Variants in SCFD2 observed in about 807,000 individuals in gnomAD.
SCFD2 encodes sec1 family domain-containing protein 2.
In SCFD2, 54 loss-of-function variants were observed where a neutral mutation model predicts 58.9. The observed-to-expected ratio is 0.92, with a 90% CI of 0.74 to 1.15. SCFD2 has a LOEUF of 1.15. Ranked by LOEUF, SCFD2 falls within the 50% of genes most tolerant of loss-of-function variation. SCFD2 has a pLI of 0.00. For missense variants in SCFD2, 805 were observed against 836.6 expected, an observed-to-expected ratio of 0.96 and a Z score of 0.47; for synonymous variants, 321 against 335.9, an observed-to-expected ratio of 0.96 and a Z score of 0.49.
At chr4:52,890,468 A>G (rs1718856028) in intron 7 of SCFD2, among the ~76,000 whole-genome samples, 1 of 152,222 alleles carries the variant, frequency 6.6e-6, no homozygotes, top group Admixed American at 6.5e-5. Context: ...TCAAGTCAAC[A>G]GACTGTTGGG....
At chr4:53,348,023 A>C (rs1194401226) in intron 2 of SCFD2, among the ~76,000 whole-genome samples, 1 of 152,242 alleles carries the variant, frequency 6.6e-6, no homozygotes, top group Admixed American at 6.5e-5. Context: ...CCATTTCAAC[A>C]GGAGGAAAAC....
chr4:53,029,871 T>G (rs187362160), intron 5 of SCFD2, among the ~76,000 whole-genome samples: 43 of 152,306 alleles, frequency 2.8e-4, no homozygotes, highest in Non-Finnish European at 5.3e-4. Flanking sequence ...ATTATAAAAC[T>G]TCTAGAAGAA....
At chr4:53,222,982 T>C (rs137893089) in intron 4 of SCFD2, among the ~76,000 whole-genome samples, 84 of 152,260 alleles carry the variant, frequency 5.5e-4, no homozygotes, top group Admixed American at 1.4e-3. Flanking sequence ...CACGGACTGG[T>C]CACCAGATGT....
At chr4:53,280,023 C>A (rs1731457966) in intron 3 of SCFD2, among the ~76,000 whole-genome samples, 1 of 152,206 alleles carries the variant, frequency 6.6e-6, no homozygotes, top group African/African-American at 2.4e-5. Context: ...ACATCAGAAG[C>A]TATTCTTCCA....
chr4:52,958,781 C>T (rs540621929), intron 5 of SCFD2, among the ~76,000 whole-genome samples: 2 of 152,302 alleles, frequency 1.3e-5, no homozygotes, highest in East Asian at 1.9e-4. Flanking sequence ...GCCATTCCAT[C>T]TCAAATGGCT....
chr4:53,179,429 C>T (rs565029756), intron 4 of SCFD2, among the ~76,000 whole-genome samples: 4 of 152,250 alleles, frequency 2.6e-5, no homozygotes, highest in South Asian at 4.1e-4. Flanking sequence ...AGAAATAAAA[C>T]ACTTTACAGA....
At chr4:53,202,667 G>A (rs992222831) in intron 4 of SCFD2, among the ~76,000 whole-genome samples, 7 of 152,174 alleles carry the variant, frequency 4.6e-5, no homozygotes, top group African/African-American at 1.4e-4. Context: ...AGCATGGAAT[G>A]TACTTCCATT....
intron 5 of SCFD2, among the ~76,000 whole-genome samples, chr4:53,058,899 G>A (rs1354083632): frequency 6.6e-6 from 1 of 152,114 alleles, no homozygotes; most frequent in African/African-American, 2.4e-5. Flanking sequence ...GATAAAACGA[G>A]CCTTTTGGAA....
At chr4:53,135,272 G>GT (rs1725902646) in intron 5 of SCFD2, among the ~76,000 whole-genome samples, 1 of 152,152 alleles carries the variant, frequency 6.6e-6, no homozygotes, top group African/African-American at 2.4e-5. Context: ...ACTGGAAATT[G>GT]TTAAGTCCAC....
intron 4 of SCFD2, among the ~76,000 whole-genome samples, chr4:53,241,219 T>A (rs1183076869): frequency 6.6e-6 from 1 of 152,076 alleles, no homozygotes; most frequent in East Asian, 1.9e-4. Flanking sequence ...CTCAGAAAAG[T>A]ACGAGGGGCA....
intron 5 of SCFD2, among the ~76,000 whole-genome samples, chr4:53,018,975 A>G (rs1722281109): frequency 6.6e-6 from 1 of 152,190 alleles, no homozygotes; most frequent in Admixed American, 6.5e-5. Flanking sequence ...CTTGATAAGT[A>G]AAGAATAATA....
intron 4 of SCFD2, among the ~76,000 whole-genome samples, chr4:53,179,022 G>A (rs1485105976): frequency 1.3e-5 from 2 of 152,218 alleles, no homozygotes; most frequent in East Asian, 3.9e-4. Flanking sequence ...ATCTACATCT[G>A]ATTGGTGTAC....
chr4:53,243,710 GA>G (rs958840049), intron 4 of SCFD2, among the ~76,000 whole-genome samples: 1 of 151,266 alleles, frequency 6.6e-6, no homozygotes, highest in East Asian at 1.9e-4. Flanking sequence ...AAAAAAGAGA[GA>G]AAAAAAAGAA....
intron 2 of SCFD2, among the ~76,000 whole-genome samples, chr4:53,338,378 T>A (rs185842418): frequency 2.0e-5 from 3 of 151,880 alleles, no homozygotes; most frequent in African/African-American, 7.2e-5. Context: ...ATACACTAAA[T>A]AAACCCCAAA....
chr4:53,201,672 C>T (rs1162895538), intron 4 of SCFD2, among the ~76,000 whole-genome samples: 1 of 152,176 alleles, frequency 6.6e-6, no homozygotes, highest in East Asian at 1.9e-4. Flanking sequence ...TTCTCCACAT[C>T]CTCTCCAGCA....
At chr4:53,213,111 GATTAA>G (rs1368580630) in intron 4 of SCFD2, among the ~76,000 whole-genome samples, 2 of 152,028 alleles carry the variant, frequency 1.3e-5, no homozygotes, top group East Asian at 1.9e-4. Flanking sequence ...TGATAATCAC[GATTAA>G]ATTATTTAGT....
At chr4:53,256,291 G>T (rs1044350601) in intron 4 of SCFD2, among the ~76,000 whole-genome samples, 1 of 149,670 alleles carries the variant, frequency 6.7e-6, no homozygotes, top group Non-Finnish European at 1.5e-5. Flanking sequence ...CAGATGGGGC[G>T]GCGGGGCAGA....
At position 53,101,194 on chromosome 4, in the gene SCFD2, T is replaced by C. The variant is rs149852324; in HGVS notation, c.1561+44139A>G. On this transcript the variant is annotated intron_variant, in intron 5 of 8. Coordinates refer to ENST00000401642, the MANE Select transcript of SCFD2 (RefSeq NM_152540.4). ...TAGAAACTCAGGACCAGTGGCTTTA[T>C]GGATCTGCAACAGGGACCCCTATGC... is the stretch of plus-strand genomic sequence containing the variant. 2.4e-4 allele frequency among the ~76,000 whole-genome samples: 36 copies of C among 152,298 alleles called. No homozygotes were observed. In the East Asian group the frequency reaches 6.6e-3, roughly 28 times the overall value.
rs549359995 is a variant in SCFD2 at position 53,105,860 on chromosome 4, A to G, written c.1561+39473T>C. Reference sequence around the variant, plus strand: ...TGCTAAGGGACAGACTGCCTCCTCAATTGGGTCCCTGACCCCCCCACCCCC... The same window carrying G: ...TGCTAAGGGACAGACTGCCTCCTCAGTTGGGTCCCTGACCCCCCCACCCCC... On this transcript the variant is annotated intron_variant, in intron 5 of 8. Transcript: ENST00000401642. Among the ~76,000 whole-genome samples, 60 of 152,228 alleles carry G rather than the reference A, an allele frequency of 3.9e-4. No individual in the cohort carries two copies. In the East Asian group the frequency reaches 0.01, roughly 26 times the overall value.
Sources: gnomAD v4.1 joint callset for allele counts (sites outside exome capture counted in the v4.1 genomes callset) on GRCh38, gnomAD v4.1.1 for gene constraint, MANE v1.5 for transcripts, NCBI Gene and HGNC (gene_info 2026-07-23, HGNC 2026-07-21) for gene names.